The following CNTRL variants were observed in gnomAD, a reference collection of about 807,000 sequenced individuals.
CNTRL encodes the protein 110 kDa centrosomal protein.
In CNTRL, 233 loss-of-function variants were observed where a neutral mutation model predicts 303.7. That is an observed-to-expected ratio of 0.77 (90% confidence interval 0.69 to 0.86). The LOEUF is 0.86. Among genes scored for constraint, CNTRL ranks in the 40% least tolerant of loss-of-function variants. The pLI, the probability that CNTRL is intolerant of heterozygous loss-of-function variation, is 0.00. For synonymous variants in CNTRL, 900 were observed against 922.2 expected (o/e 0.98, Z 0.44); for missense variants, 2,524 against 2,650.6 (o/e 0.95, Z 1.05).
In CNTRL at chr9:121,148,672, G is replaced by T; in HGVS notation, c.3460G>T (p.Val1154Phe). 6.2e-7 allele frequency: 1 copy of T among 1,610,996 alleles called. No individual in the cohort carries two copies. Among genetic ancestry groups the T allele is most frequent in the Non-Finnish European group, 8.5e-7 (1 of 1,177,946 alleles). The change falls in exon 24 of 44, where the codon GTT becomes TTT. Residue 1154 changes from valine (V) to phenylalanine (F), a missense_variant and splice_region_variant. Coordinates refer to ENST00000373855, the MANE Select transcript of CNTRL (RefSeq NM_007018.6). ...YFMPPPPSSK[V>F]SSHSSQATKD... is the part of the protein sequence containing the mutation. Reference sequence around the variant, plus strand: ...TGTGCTCTGCTGTCATTTGTTTTAGGTTTCCAGCCATAGTTCCCAGGCCAC... The same window carrying T: ...TGTGCTCTGCTGTCATTTGTTTTAGTTTTCCAGCCATAGTTCCCAGGCCAC...
chr9:121,151,114 G>A (rs1306174017), intron 25 of CNTRL, among the ~76,000 whole-genome samples: 7 of 151,838 alleles, frequency 4.6e-5, no homozygotes, highest in Non-Finnish European at 7.4e-5. Flanking sequence ...AGGTTTTGGG[G>A]ATTATCTCTA....
intron 8 of CNTRL, among the ~76,000 whole-genome samples, chr9:121,111,580 A>G (rs1332972456): frequency 6.6e-6 from 1 of 152,128 alleles, no homozygotes; most frequent in Non-Finnish European, 1.5e-5. Context: ...TTTCTTTGAT[A>G]TCTACCATCA....
chr9:121,084,098 A>G (rs550265724), intron 2 of CNTRL, among the ~76,000 whole-genome samples: 1 of 152,328 alleles, frequency 6.6e-6, no homozygotes, highest in South Asian at 2.1e-4. Context: ...CTAAAAAATA[A>G]TTTCTGTTTT....
intron 30 of CNTRL, 90 bp downstream of exon 30, chr9:121,158,199 G>T: frequency 1.4e-6 from 2 of 1,445,584 alleles, no homozygotes; most frequent in South Asian, 2.6e-5. Flanking sequence ...AAGAATAAAT[G>T]CGGCTATGTA....
intron 36 of CNTRL, among the ~76,000 whole-genome samples, chr9:121,166,906 A>C (rs542437373): frequency 6.6e-6 from 1 of 152,216 alleles, no homozygotes; most frequent in South Asian, 2.1e-4. Context: ...CTGTAATCCC[A>C]GCTACTCGGG....
chr9:121,099,138 G>A (rs956141965), intron 7 of CNTRL, among the ~76,000 whole-genome samples: 3 of 152,178 alleles, frequency 2.0e-5, no homozygotes, highest in South Asian at 4.1e-4. Context: ...CCTGACCCCC[G>A]AGTAGCCTAA....
chr9:121,156,606 T>C (rs2052583909), intron 27 of CNTRL, among the ~76,000 whole-genome samples: 1 of 152,210 alleles, frequency 6.6e-6, no homozygotes, highest in Non-Finnish European at 1.5e-5. Context: ...CGGACTCCTC[T>C]GGCTTTAGTA....
At chr9:121,100,204 G>T (rs930797589) in intron 7 of CNTRL, among the ~76,000 whole-genome samples, 7 of 152,188 alleles carry the variant, frequency 4.6e-5, no homozygotes, top group Non-Finnish European at 1.0e-4. Flanking sequence ...ACTAACAGCC[G>T]ATCTCTTGGC....
At chr9:121,114,649 G>C (rs924770999) in intron 10 of CNTRL, among the ~76,000 whole-genome samples, 2 of 152,124 alleles carry the variant, frequency 1.3e-5, no homozygotes, top group African/African-American at 4.8e-5. Flanking sequence ...CAACAGCTGG[G>C]AGAGAGAGCT....
At chr9:121,141,231 T>A (rs1313613847) in intron 17 of CNTRL, 150 bp from the exon 18 acceptor site, 2 of 621,272 alleles carry the variant, frequency 3.2e-6, no homozygotes. Context: ...AGCAATAATT[T>A]GCGCTTAGGA....
intron 36 of CNTRL, 84 bp from the exon 37 acceptor site, chr9:121,167,405 G>T: frequency 9.3e-7 from 1 of 1,070,520 alleles, no homozygotes; most frequent in South Asian, 1.6e-5. Flanking sequence ...CGTTCTGTCA[G>T]ACTTAGTAGA....
At chr9:121,093,415 G>T (rs1439244794) in intron 4 of CNTRL, among the ~76,000 whole-genome samples, 1 of 152,172 alleles carries the variant, frequency 6.6e-6, no homozygotes, top group African/African-American at 2.4e-5. Context: ...TTTGGGTTTT[G>T]GATTTTTTGA....
chr9:121,173,774 T>C lies in CNTRL; in HGVS notation c.6747+37T>C, dbSNP rs746844083. ...AAACAAACAAAAAATCAGTATGAGATACTGGGCACATTGGGGAGGGGAGGG... is the reference window on the plus strand; with the variant it reads ...AAACAAACAAAAAATCAGTATGAGACACTGGGCACATTGGGGAGGGGAGGG... On this transcript the variant is annotated intron_variant, in intron 42 of 43. Transcript: ENST00000373855. The C allele has an allele frequency of 1.9e-6, 3 of 1,585,870 alleles. No homozygotes were observed. The East Asian group carries it at 6.7e-5, about 35-fold the overall frequency.
chr9:121,129,505 A>C (rs1490778900), intron 14 of CNTRL, among the ~76,000 whole-genome samples: 1 of 152,340 alleles, frequency 6.6e-6, no homozygotes, highest in East Asian at 1.9e-4. Flanking sequence ...GACTTTGCTG[A>C]AGTTGCATAT....
At chr9:121,155,467 C>T (rs1181182292) in intron 27 of CNTRL, among the ~76,000 whole-genome samples, 3 of 152,026 alleles carry the variant, frequency 2.0e-5, no homozygotes, top group African/African-American at 7.2e-5. Flanking sequence ...CTGCAACCTC[C>T]GCCTCCCGGG....
At chr9:121,114,993 G>A in intron 10 of CNTRL, 98 bp from the exon 11 acceptor site, 1 of 679,882 alleles carries the variant, frequency 1.5e-6, no homozygotes, top group South Asian at 2.1e-5. Flanking sequence ...AATAGAGCAG[G>A]GAGAAGGTTA....
intron 19 of CNTRL, among the ~76,000 whole-genome samples, chr9:121,142,855 G>A (rs2051598336): frequency 6.6e-6 from 1 of 151,864 alleles, no homozygotes; most frequent in Non-Finnish European, 1.5e-5. Context: ...TATCTGTTAA[G>A]CCCTTGTCTT....
At chr9:121,126,581 C>G (rs1231176217) in intron 14 of CNTRL, among the ~76,000 whole-genome samples, 1 of 152,068 alleles carries the variant, frequency 6.6e-6, no homozygotes, top group Admixed American at 6.5e-5. Flanking sequence ...GTACTGACAA[C>G]CCAGCTTAAG....
chr9:121,122,900 C>G (rs2050310465), intron 12 of CNTRL, among the ~76,000 whole-genome samples: 1 of 152,082 alleles, frequency 6.6e-6, no homozygotes, highest in African/African-American at 2.4e-5. Flanking sequence ...GAGGGGTATA[C>G]CTCCTTAGGG....
Sources: gnomAD v4.1 joint callset for allele counts (sites outside exome capture counted in the v4.1 genomes callset) on GRCh38, gnomAD v4.1.1 for gene constraint, MANE v1.5 for transcripts, NCBI Gene and HGNC (gene_info 2026-07-23, HGNC 2026-07-21) for gene names.